The following VWC2L variants were observed in gnomAD, a reference collection of about 807,000 sequenced individuals.
VWC2L encodes von Willebrand factor C domain containing 2 like, also known as von Willebrand factor C domain-containing protein 2-like.
A neutral mutation model predicts 21.6 loss-of-function variants in VWC2L; 10 were observed. That is an observed-to-expected ratio of 0.46 (90% confidence interval 0.29 to 0.78). The LOEUF is 0.78. Ranked by LOEUF, VWC2L falls within the 30% of genes least tolerant of loss-of-function variation. The pLI, the probability that VWC2L is intolerant of heterozygous loss-of-function variation, is 0.10. For synonymous variants in VWC2L, 96 were observed against 94.3 expected (o/e 1.02, Z -0.10); for missense variants, 209 against 277.1 (o/e 0.75, Z 1.74).
At chr2:214,428,165 T>C (rs1702553013) in intron 2 of VWC2L, among the ~76,000 whole-genome samples, 1 of 152,198 alleles carries the variant, frequency 6.6e-6, no homozygotes, top group African/African-American at 2.4e-5. Flanking sequence ...ATCATAGTCA[T>C]GTAATCAATC....
intron 3 of VWC2L, among the ~76,000 whole-genome samples, chr2:214,527,974 T>C (rs943215509): frequency 6.6e-6 from 1 of 152,198 alleles, no homozygotes; most frequent in African/African-American, 2.4e-5. Context: ...TTACAATAAA[T>C]TACAAGGTAT....
At chr2:214,478,199 GT>G (rs1688552495) in intron 3 of VWC2L, among the ~76,000 whole-genome samples, 1 of 152,158 alleles carries the variant, frequency 6.6e-6, no homozygotes, top group South Asian at 2.1e-4. Context: ...AATTGTGTTT[GT>G]TTTTAGGTTT....
At chr2:214,421,785 T>TAA (rs56796161) in intron 2 of VWC2L, among the ~76,000 whole-genome samples, 16 of 151,228 alleles carry the variant, frequency 1.1e-4, no homozygotes, top group East Asian at 7.7e-4. Context: ...TTGGATATGT[T>TAA]AAAAAAAATT....
intron 3 of VWC2L, among the ~76,000 whole-genome samples, chr2:214,505,258 T>C (rs569049451): frequency 4.6e-5 from 7 of 152,308 alleles, no homozygotes; most frequent in African/African-American, 1.4e-4. Flanking sequence ...CTCCTCATTT[T>C]TAGAAGCAGT....
intron 3 of VWC2L, among the ~76,000 whole-genome samples, chr2:214,535,882 C>A (rs1208241118): frequency 6.6e-6 from 1 of 151,866 alleles, no homozygotes; most frequent in African/African-American, 2.4e-5. Context: ...ATAAGGCAGG[C>A]AATATATACT....
At chr2:214,470,759 T>G (rs774123545) in intron 3 of VWC2L, among the ~76,000 whole-genome samples, 7 of 151,226 alleles carry the variant, frequency 4.6e-5, no homozygotes. Flanking sequence ...AAAAAAATAT[T>G]AAAATTAGCT....
At chr2:214,413,778 T>C (rs1468617040) in intron 1 of VWC2L, among the ~76,000 whole-genome samples, 1 of 152,210 alleles carries the variant, frequency 6.6e-6, no homozygotes, top group East Asian at 1.9e-4. Context: ...CAAATATTCT[T>C]GAGCTATTTG....
chr2:214,520,103 C>T (rs922016877), intron 3 of VWC2L, among the ~76,000 whole-genome samples: 1 of 120,906 alleles, frequency 8.3e-6, no homozygotes, highest in Admixed American at 8.7e-5. Flanking sequence ...ATGTAGATGT[C>T]TTGTGTTTAC....
intron 3 of VWC2L, among the ~76,000 whole-genome samples, chr2:214,530,288 C>T (rs1689413118): frequency 6.6e-6 from 1 of 152,140 alleles, no homozygotes; most frequent in Admixed American, 6.6e-5. Flanking sequence ...TTAACAAAGA[C>T]AACCAGCAAT....
intron 3 of VWC2L, among the ~76,000 whole-genome samples, chr2:214,454,011 G>A (rs555390081): frequency 7.9e-5 from 12 of 152,134 alleles, no homozygotes; most frequent in South Asian, 2.1e-4. Context: ...GTGAGCCACC[G>A]CGCCCAGCCT....
intron 3 of VWC2L, among the ~76,000 whole-genome samples, chr2:214,479,235 C>G (rs980521838): frequency 2.6e-5 from 4 of 152,174 alleles, no homozygotes; most frequent in African/African-American, 9.7e-5. Flanking sequence ...ACTTCCCATC[C>G]TAATATCTTT....
rs191024313 is a variant in VWC2L at position 214,557,237 on chromosome 2, G to A, written c.521-18435G>A. Among the ~76,000 whole-genome samples, 85 of 152,234 alleles carry A rather than the reference G, an allele frequency of 5.6e-4. 3 individuals carry two copies. The East Asian group carries it at 0.014, about 26-fold the overall frequency. On this transcript the variant is annotated intron_variant, in intron 3 of 3. Transcript: ENST00000312504. ...GGGAGACCTCACAATCACGGCAGAAGGCAACTCTTCACAGGGTGGCAGGGG... is the reference window on the plus strand; with the variant it reads ...GGGAGACCTCACAATCACGGCAGAAAGCAACTCTTCACAGGGTGGCAGGGG...
intron 2 of VWC2L, among the ~76,000 whole-genome samples, chr2:214,421,356 C>T (rs1274337676): frequency 2.6e-5 from 4 of 152,132 alleles, no homozygotes; most frequent in Non-Finnish European, 4.4e-5. Flanking sequence ...CATTGACAGT[C>T]AGAACTACAG....
chr2:214,562,739 T>C (rs1342246174), intron 3 of VWC2L, among the ~76,000 whole-genome samples: 3 of 152,202 alleles, frequency 2.0e-5, no homozygotes, highest in African/African-American at 7.2e-5. Flanking sequence ...TAACTATCAG[T>C]GATGTTGAGC....
chr2:214,478,007 G>T (rs1574586727), intron 3 of VWC2L, among the ~76,000 whole-genome samples: 1 of 152,264 alleles, frequency 6.6e-6, no homozygotes, highest in East Asian at 1.9e-4. Flanking sequence ...TGAAAACTCA[G>T]ACAGGCCTTT....
intron 3 of VWC2L, among the ~76,000 whole-genome samples, chr2:214,492,807 CAT>C (rs1688762532): frequency 6.6e-6 from 1 of 152,134 alleles, no homozygotes; most frequent in Admixed American, 6.6e-5. Context: ...ACAAACCCCA[CAT>C]GTCAGAGGCT....
chr2:214,530,143 C>G (rs767970947), intron 3 of VWC2L, among the ~76,000 whole-genome samples: 2 of 152,136 alleles, frequency 1.3e-5, no homozygotes, highest in Non-Finnish European at 2.9e-5. Context: ...ATTTCCTTGG[C>G]AAAGTACTTT....
In VWC2L at chr2:214,578,654, CTGT is replaced by C. The variant is rs1690269459; in HGVS notation, c.*2839_*2841del. On this transcript the variant is annotated 3_prime_UTR_variant, in exon 4 of 4. Coordinates refer to ENST00000312504, the MANE Select transcript of VWC2L (RefSeq NM_001080500.4). ...CTGAACAACAGAGCTCTGGTCTCAT[CTGT>C]TGTTTGTTTCTTGTGAAGTCTTTGT... 1 of 152,146 alleles carries C rather than the reference CTGT, an allele frequency of 6.6e-6. No homozygotes were observed. Among genetic ancestry groups the C allele is most frequent in the African/African-American group, 2.4e-5 (1 of 41,436 alleles). 9.4% of individuals were successfully genotyped at this position (152,146 alleles called of 1,614,324 possible).
At chr2:214,511,919 TACACACACACACACAC>T (rs67983945) in intron 3 of VWC2L, among the ~76,000 whole-genome samples, 5 of 145,366 alleles carry the variant, frequency 3.4e-5, no homozygotes, top group African/African-American at 1.3e-4. Flanking sequence ...TATATACATA[TACACACACACACACAC>T]ACACACACAC....
Sources: allele counts gnomAD v4.1 joint callset (sites outside exome capture counted in the v4.1 genomes callset), GRCh38; gene constraint gnomAD v4.1.1; transcripts MANE v1.5; gene names NCBI Gene and HGNC (gene_info 2026-07-23, HGNC 2026-07-21).